The following CAMKMT variants were observed in gnomAD, a reference collection of about 807,000 sequenced individuals.
CAMKMT encodes CaM KMT.
In CAMKMT, 53 loss-of-function variants were observed where a neutral mutation model predicts 48.0. The observed-to-expected ratio is 1.10, with a 90% CI of 0.89 to 1.39. The LOEUF is 1.39. CAMKMT is among the 40% of genes most tolerant of loss of function. The pLI is 0.00. For synonymous variants in CAMKMT, 165 were observed against 152.3 expected (o/e 1.08, Z -0.61); for missense variants, 428 against 402.7 (o/e 1.06, Z -0.54).
At chr2:44,509,857 G>A (rs919825783) in intron 3 of CAMKMT, among the ~76,000 whole-genome samples, 3 of 152,164 alleles carry the variant, frequency 2.0e-5, no homozygotes, top group Non-Finnish European at 4.4e-5. Flanking sequence ...TACAACGTGG[G>A]ACAAGACTTT....
At chr2:44,578,946 T>C (rs765950709) in intron 3 of CAMKMT, among the ~76,000 whole-genome samples, 3 of 152,194 alleles carry the variant, frequency 2.0e-5, no homozygotes, top group Non-Finnish European at 4.4e-5. Flanking sequence ...TCATTGTGTA[T>C]TGGAATAAAT....
chr2:44,537,400 A>G (rs1475629159), intron 3 of CAMKMT, among the ~76,000 whole-genome samples: 1 of 152,256 alleles, frequency 6.6e-6, no homozygotes, highest in Non-Finnish European at 1.5e-5. Flanking sequence ...ACAAATGGCC[A>G]GTAGGTATAT....
chr2:44,733,547 C>T (rs1679194466), intron 7 of CAMKMT, among the ~76,000 whole-genome samples: 1 of 152,116 alleles, frequency 6.6e-6, no homozygotes, highest in African/African-American at 2.4e-5. Flanking sequence ...GGGTCTTTCA[C>T]CATTAAGTAT....
intron 3 of CAMKMT, among the ~76,000 whole-genome samples, chr2:44,434,449 A>G (rs971033131): frequency 1.3e-5 from 2 of 152,172 alleles, no homozygotes; most frequent in African/African-American, 2.4e-5. Context: ...CATTTAGGAT[A>G]TTTGGACTGA....
At chr2:44,457,079 G>A (rs1348047630) in intron 3 of CAMKMT, 1 of 152,296 alleles carries the variant, frequency 6.6e-6, no homozygotes, top group Non-Finnish European at 1.5e-5. Flanking sequence ...ATGCTCATAT[G>A]ATTCAAAGTT....
intron 3 of CAMKMT, among the ~76,000 whole-genome samples, chr2:44,458,884 A>T (rs1667711179): frequency 6.6e-6 from 1 of 152,214 alleles, no homozygotes; most frequent in African/African-American, 2.4e-5. Context: ...AACTGTGTAC[A>T]TAAAGAGGAA....
intron 6 of CAMKMT, among the ~76,000 whole-genome samples, chr2:44,711,142 GC>G: frequency 6.6e-6 from 1 of 152,158 alleles, no homozygotes; most frequent in Non-Finnish European, 1.5e-5. Flanking sequence ...GAAATCCCGG[GC>G]CATCTTCCTG....
intron 3 of CAMKMT, among the ~76,000 whole-genome samples, chr2:44,438,085 T>C (rs1429848781): frequency 6.6e-6 from 1 of 152,200 alleles, no homozygotes; most frequent in Non-Finnish European, 1.5e-5. Flanking sequence ...AAGGTACTTA[T>C]AGCCGCATGA....
At chr2:44,663,039 A>G (rs951974799) in intron 3 of CAMKMT, among the ~76,000 whole-genome samples, 1 of 152,240 alleles carries the variant, frequency 6.6e-6, no homozygotes, top group Non-Finnish European at 1.5e-5. Context: ...ATTGCAGATT[A>G]TCATGCCTCT....
At chr2:44,598,216 A>T (rs923319385) in intron 3 of CAMKMT, among the ~76,000 whole-genome samples, 4 of 152,072 alleles carry the variant, frequency 2.6e-5, no homozygotes, top group Admixed American at 6.5e-5. Context: ...GAAATGCTAA[A>T]TTTGGTTAGT....
At chr2:44,568,376 C>A (rs1274343102) in intron 3 of CAMKMT, among the ~76,000 whole-genome samples, 1 of 152,190 alleles carries the variant, frequency 6.6e-6, no homozygotes, top group African/African-American at 2.4e-5. Context: ...TCCAGACCCT[C>A]CTGAATGAAC....
At chr2:44,525,710 G>A (rs1271463921) in intron 3 of CAMKMT, among the ~76,000 whole-genome samples, 1 of 152,128 alleles carries the variant, frequency 6.6e-6, no homozygotes, top group Non-Finnish European at 1.5e-5. Flanking sequence ...TTATTTTATA[G>A]ATGAGAAACT....
chr2:44,418,144 A>G (rs1254055221), intron 3 of CAMKMT, among the ~76,000 whole-genome samples: 5 of 150,302 alleles, frequency 3.3e-5, no homozygotes, highest in Non-Finnish European at 5.9e-5. Flanking sequence ...GTGAGCCAAG[A>G]TCGCGCCATT....
At chr2:44,704,981 G>A (rs1321225429) in intron 4 of CAMKMT, among the ~76,000 whole-genome samples, 1 of 151,602 alleles carries the variant, frequency 6.6e-6, no homozygotes, top group Non-Finnish European at 1.5e-5. Flanking sequence ...AAGATGTTTG[G>A]TAGACCCAGA....
intron 2 of CAMKMT, among the ~76,000 whole-genome samples, chr2:44,389,148 C>G (rs575277181): frequency 7.4e-4 from 112 of 152,174 alleles, no homozygotes; most frequent in African/African-American, 9.1e-4. Flanking sequence ...CTAGGCCTGT[C>G]TGAGCTCAGA....
At chr2:44,383,413 T>G (rs925571908) in intron 2 of CAMKMT, among the ~76,000 whole-genome samples, 1 of 152,188 alleles carries the variant, frequency 6.6e-6, no homozygotes, top group Non-Finnish European at 1.5e-5. Flanking sequence ...TCCGCCTGCC[T>G]CGGCCTCCCA....
At chr2:44,631,343 C>G in intron 3 of CAMKMT, 1 of 321,966 alleles carries the variant, frequency 3.1e-6, no homozygotes, top group East Asian at 6.4e-5. Context: ...CACATGTATA[C>G]ATATGTAACT....
chr2:44,613,641 C>T (rs1572919792), intron 3 of CAMKMT, among the ~76,000 whole-genome samples: 1 of 152,218 alleles, frequency 6.6e-6, no homozygotes, highest in Non-Finnish European at 1.5e-5. Flanking sequence ...CAACGGCTGA[C>T]ATTTACTGAG....
chr2:44,436,970 T>C (rs1415430086), intron 3 of CAMKMT, among the ~76,000 whole-genome samples: 2 of 152,180 alleles, frequency 1.3e-5, no homozygotes, highest in Non-Finnish European at 2.9e-5. Context: ...AAATGAAAGG[T>C]ATTATTACAA....
Sources: allele counts gnomAD v4.1 joint callset (sites outside exome capture counted in the v4.1 genomes callset), GRCh38; gene constraint gnomAD v4.1.1; transcripts MANE v1.5; gene names NCBI Gene and HGNC (gene_info 2026-07-23, HGNC 2026-07-21).